The following PRPH2 variants were observed in gnomAD, a reference collection of about 807,000 sequenced individuals.
PRPH2 encodes the protein peripherin-2.
Under a neutral mutation model 31.3 loss-of-function variants are expected in PRPH2, and 17 were observed. The ratio of observed to expected loss-of-function variants is 0.54; its 90% CI spans 0.37 to 0.81. The LOEUF is 0.81. Ranked by LOEUF, PRPH2 falls within the 40% of genes least tolerant of loss-of-function variation. PRPH2 has a pLI of 0.00. For synonymous variants in PRPH2, 165 were observed against 184.4 expected, an observed-to-expected ratio of 0.89 and a Z score of 0.85; for missense variants, 430 against 439.7, an observed-to-expected ratio of 0.98 and a Z score of 0.20.
Position 42,707,998 on chromosome 6 carries a change from A to G in PRPH2, c.582-3387T>C, listed in dbSNP as rs1261171713. On this transcript the variant is annotated intron_variant, in intron 1 of 2. Coordinates refer to ENST00000230381, the MANE Select transcript of PRPH2 (RefSeq NM_000322.5). ...ATATTTGAAACAAAGGATTACATGA[A>G]GTGATACATGTAAGAGTGCTTGAAG... Among the ~76,000 whole-genome samples, 11 of 152,206 alleles carry G rather than the reference A, an allele frequency of 7.2e-5. 1 individual carries two copies. The highest frequency in any genetic ancestry group is 7.2e-4 in the Admixed American group (11 of 15,284).
chr6:42,718,227 C>A (rs1562431837), intron 1 of PRPH2, among the ~76,000 whole-genome samples: 2 of 150,936 alleles, frequency 1.3e-5, no homozygotes, highest in African/African-American at 4.9e-5. Flanking sequence ...GGGAGAATCA[C>A]TTGAGCCTGG....
At position 42,697,485 on chromosome 6, in the gene PRPH2, C is replaced by T. The variant is rs1442802486; in HGVS notation, c.*810G>A. The T allele has an allele frequency of 2.0e-5, 3 of 152,216 alleles. No individual in the cohort carries two copies. Among genetic ancestry groups the T allele is most frequent in the Non-Finnish European group, 4.4e-5 (3 of 68,174 alleles). 9.4% of individuals were successfully genotyped at this position (152,216 alleles called of 1,614,324 possible). ...TTCCACAGCAGGGCAGCAGCCTACC[C>T]CACTGCTTCCACCGATGAGCCACAG... On this transcript the variant is annotated 3_prime_UTR_variant, in exon 3 of 3. Transcript: ENST00000230381.
chr6:42,721,661 C>T lies in PRPH2; in HGVS notation c.581+93G>A, dbSNP rs904908608. 1.3e-4 allele frequency: 185 copies of T among 1,444,536 alleles called. 2 individuals are homozygous for T. The East Asian group carries it at 3.8e-3, about 30-fold the overall frequency. 89.5% of individuals were successfully genotyped at this position (1,444,536 alleles called of 1,614,324 possible). Reference sequence around the variant, plus strand: ...TGTGCACCCGATGGAGAGGAAAAGGCACTGGGTGCGGGGAGAGGGGCTGGT... The same window carrying T: ...TGTGCACCCGATGGAGAGGAAAAGGTACTGGGTGCGGGGAGAGGGGCTGGT... On this transcript the variant is annotated intron_variant, in intron 1 of 2. Coordinates refer to ENST00000230381, the MANE Select transcript of PRPH2 (RefSeq NM_000322.5).
At chr6:42,707,608 G>C (rs1800192264) in intron 1 of PRPH2, among the ~76,000 whole-genome samples, 1 of 152,144 alleles carries the variant, frequency 6.6e-6, no homozygotes, top group African/African-American at 2.4e-5. Flanking sequence ...CAGTATCTCA[G>C]AGTTGTTTTC....
intron 1 of PRPH2, among the ~76,000 whole-genome samples, chr6:42,718,518 GTC>G (rs886605732): frequency 6.6e-6 from 1 of 152,034 alleles, no homozygotes. Context: ...CTGTGGGAAA[GTC>G]TCTCTGCAAA....
chr6:42,720,993 A>G (rs766894867), intron 1 of PRPH2, among the ~76,000 whole-genome samples: 58 of 152,336 alleles, frequency 3.8e-4, no homozygotes, highest in Non-Finnish European at 1.9e-4. Context: ...AATACTTTAG[A>G]AATGCTTTAT....
Position 42,717,464 on chromosome 6 carries a change from T to C in PRPH2, c.581+4290A>G, listed in dbSNP as rs150637495. 5.9e-3 allele frequency among the ~76,000 whole-genome samples: 891 copies of C among 152,038 alleles called. 10 individuals are homozygous for C. The highest frequency in any genetic ancestry group is 0.02 in the African/African-American group (849 of 41,478). On this transcript the variant is annotated intron_variant, in intron 1 of 2. Coordinates refer to ENST00000230381, the MANE Select transcript of PRPH2 (RefSeq NM_000322.5). The stretch of plus-strand genomic sequence containing the variant: ...CCCTCTCCCTGCCCTTTTGCCGGCC[T>C]CACCTCTTTGCCATCAGAATCCTAG...
intron 1 of PRPH2, among the ~76,000 whole-genome samples, chr6:42,709,215 A>G (rs1800228936): frequency 6.6e-6 from 1 of 151,778 alleles, no homozygotes; most frequent in South Asian, 2.1e-4. Context: ...CTGTAATCCT[A>G]GCTACTGGGG....
chr6:42,712,062 C>T (rs1176434262), intron 1 of PRPH2: 2 of 696,330 alleles, frequency 2.9e-6, no homozygotes, highest in Non-Finnish European at 3.5e-6. Flanking sequence ...TCCAACCATA[C>T]CTCGACCCAG....
chr6:42,704,572 GTCCACCAGGTACCGCCCA>G lies in PRPH2; in HGVS notation c.603_620del (p.Arg203_Gly208del), dbSNP rs1800116963. 3 of 1,614,170 alleles carry G rather than the reference GTCCACCAGGTACCGCCCA, an allele frequency of 1.9e-6. No homozygotes were observed. The highest frequency in any genetic ancestry group is 1.1e-5 in the South Asian group (1 of 91,082). On this transcript the variant is annotated inframe_deletion, in exon 2 of 3. Coordinates refer to ENST00000230381, the MANE Select transcript of PRPH2 (RefSeq NM_000322.5). Reference sequence around the variant, plus strand: ...GATTGCAGCAGCTGAAAGGGACGCCGTCCACCAGGTACCGCCCATCCACGTTGCTCTTGATTCGACTTA... The same window carrying G: ...GATTGCAGCAGCTGAAAGGGACGCCGTCCACGTTGCTCTTGATTCGACTTA...
At chr6:42,705,599 A>AATATATATATATAT (rs1194169404) in intron 1 of PRPH2, among the ~76,000 whole-genome samples, 277 of 20,478 alleles carry the variant, frequency 0.014, 1 homozygote, top group East Asian at 0.02. Flanking sequence ...AAAAAAAAAA[A>AATATATATATATAT]ATATATATAT....
At position 42,722,163 on chromosome 6, in the gene PRPH2, GGCTCT is replaced by G; in HGVS notation, c.167_171del (p.Glu56AlafsTer119). ...CCTATCAATGAGTTGGGCACAAAAT[GGCTCT>G]CAGAATTATTCATCACATCGCTCCT... On this transcript the variant is annotated frameshift_variant, in exon 1 of 3. Transcript: ENST00000230381. LOFTEE classifies it high-confidence loss of function. This position sits in a 1 kb window ranked among gnomAD's most constrained non-coding sequence, Gnocchi z 4.4. 6.2e-7 allele frequency: 1 copy of G among 1,614,108 alleles called. No individual in the cohort carries two copies.
In PRPH2 at chr6:42,698,170, A is replaced by C; in HGVS notation, c.*125T>G. ...CTAAACTTAAATTCCACCGTCAGGG[A>C]GAGTCTCTGTAAGATGGTGCCCTCC... On this transcript the variant is annotated 3_prime_UTR_variant, in exon 3 of 3. Transcript: ENST00000230381. 1 of 1,304,524 alleles carries C rather than the reference A, an allele frequency of 7.7e-7. No individual in the cohort carries two copies. Among genetic ancestry groups the C allele is most frequent in the Non-Finnish European group, 1.1e-6 (1 of 940,394 alleles). 80.8% of individuals were successfully genotyped at this position (1,304,524 alleles called of 1,614,324 possible). A position where few individuals can be genotyped will look rare whatever the true frequency, so the allele number is the denominator to read the frequency against.
chr6:42,719,751 T>C (rs967524891), intron 1 of PRPH2, among the ~76,000 whole-genome samples: 2 of 151,712 alleles, frequency 1.3e-5, no homozygotes, highest in African/African-American at 4.8e-5. Flanking sequence ...GTATTTTTAG[T>C]AGAGACGGGG....
At chr6:42,708,575 T>C (rs1184589245) in intron 1 of PRPH2, among the ~76,000 whole-genome samples, 1 of 152,138 alleles carries the variant, frequency 6.6e-6, no homozygotes, top group Non-Finnish European at 1.5e-5. Flanking sequence ...GGTCTCTCCC[T>C]TCTTCCCCCA....
chr6:42,712,539 G>C (rs1160175797), intron 1 of PRPH2, among the ~76,000 whole-genome samples: 1 of 152,116 alleles, frequency 6.6e-6, no homozygotes, highest in Non-Finnish European at 1.5e-5. Flanking sequence ...GTTTGGGGGA[G>C]GGTAGTATAG....
At chr6:42,718,299 C>CAAA (rs3076888) in intron 1 of PRPH2, among the ~76,000 whole-genome samples, 65 of 118,174 alleles carry the variant, frequency 5.5e-4, no homozygotes, top group South Asian at 1.4e-3. Flanking sequence ...GACCCTGTCT[C>CAAA]AAAAAAAAAA....
chr6:42,702,220 C>T (rs2152004661), intron 2 of PRPH2, among the ~76,000 whole-genome samples: 1 of 150,236 alleles, frequency 6.7e-6, no homozygotes, highest in Middle Eastern at 3.4e-3. Flanking sequence ...CCAGCCTGGG[C>T]AACAAGAGTG....
In PRPH2 at chr6:42,698,257, A is replaced by G. The variant is rs1257487763; in HGVS notation, c.*38T>C. 1 of 1,611,506 alleles carries G rather than the reference A, an allele frequency of 6.2e-7. No homozygotes were observed. Among genetic ancestry groups the G allele is most frequent in the African/African-American group, 1.3e-5 (1 of 74,700 alleles). On this transcript the variant is annotated 3_prime_UTR_variant, in exon 3 of 3. Coordinates refer to ENST00000230381, the MANE Select transcript of PRPH2 (RefSeq NM_000322.5). Reference sequence around the variant, plus strand: ...AGATCCACGTTTCTTGGAGTGCACTATTTCTCAGTGTTCGGGAGGGGAGGG... The same window carrying G: ...AGATCCACGTTTCTTGGAGTGCACTGTTTCTCAGTGTTCGGGAGGGGAGGG...
Sources: gnomAD v4.1 joint callset for allele counts (sites outside exome capture counted in the v4.1 genomes callset) on GRCh38, gnomAD v4.1.1 for gene constraint, Gnocchi (gnomAD v3.1) non-coding constraint, MANE v1.5 for transcripts, NCBI Gene and HGNC (gene_info 2026-07-23, HGNC 2026-07-21) for gene names.